CRMP1: variants seen among roughly 807,000 people sequenced by gnomAD.
CRMP1 encodes dihydropyrimidinase-related protein 1.
CRMP1 carries 19 observed loss-of-function variants against 68.3 expected under a neutral mutation model. That is an observed-to-expected ratio of 0.28 (90% CI 0.19 to 0.41). CRMP1 has a LOEUF of 0.41. Ranked by LOEUF, CRMP1 falls within the 10% of genes least tolerant of loss-of-function variation. The probability of loss-of-function intolerance (pLI) is 1.00; values close to 1 mark genes in which losing one functional copy is unlikely to be tolerated. For missense variants in CRMP1, 791 were observed against 967.4 expected (o/e 0.82, Z 2.42); for synonymous variants, 439 against 399.6 (o/e 1.10, Z -1.18).
In CRMP1 at chr4:5,841,327, G is replaced by T; in HGVS notation, c.1134C>A (p.Ile378=). 6.2e-7 allele frequency: 1 copy of T among 1,613,966 alleles called. No individual in the cohort carries two copies. The highest frequency in any genetic ancestry group is 2.2e-5 in the East Asian group (1 of 44,840). ...KVMSKSAADI[I]ALARKKGPLV... ...GCATACCTTTCTTCCTGGCCAGAGC[G>T]ATGATGTCGGCTGCACTCTTGCTCA... The change falls in exon 8 of 14, where the codon ATC becomes ATA. Residue 378 remains isoleucine, a synonymous_variant. Transcript: ENST00000324989. This position sits in a 1 kb window ranked among gnomAD's most constrained non-coding sequence, Gnocchi z 6.9.
At position 5,892,925 on chromosome 4, in the gene CRMP1, G is replaced by C; in HGVS notation, c.45C>G (p.Pro15=). Residue 15 remains proline, a synonymous_variant, in exon 1 of 14, where the codon CCC becomes CCG. Transcript: ENST00000324989. The surrounding 1 kb of genome is among the most constrained non-coding windows in gnomAD (Gnocchi z 8.6). ...CGCTGCCCGGCCGCGCCAGGTACACGGGCAGGTCGTCCTCGGTGTTCCACG... is the reference window on the plus strand; with the variant it reads ...CGCTGCCCGGCCGCGCCAGGTACACCGGCAGGTCGTCCTCGGTGTTCCACG... ...RRAWNTEDDL[P]VYLARPGSAA... 1.5e-6 allele frequency: 2 copies of C among 1,310,054 alleles called. No homozygotes were observed. The highest frequency in any genetic ancestry group is 2.0e-6 in the Non-Finnish European group (2 of 1,024,266). The allele number at this position is 1,310,054 out of a possible 1,614,324, so 81.2% of individuals were successfully genotyped here. A position where few individuals can be genotyped will look rare whatever the true frequency, so the allele number is the denominator to read the frequency against.
Position 5,841,414 on chromosome 4 carries a change from C to T in CRMP1, c.1047G>A (p.Ala349=), listed in dbSNP as rs748183992. The T allele has an allele frequency of 2.1e-5, 34 of 1,614,008 alleles. No individual in the cohort carries two copies. Among genetic ancestry groups the T allele is most frequent in the South Asian group, 3.3e-5 (3 of 91,080 alleles). The change falls in exon 8 of 14, where the codon GCG becomes GCA. Residue 349 remains alanine, a synonymous_variant. Transcript: ENST00000324989. This position sits in a 1 kb window ranked among gnomAD's most constrained non-coding sequence, Gnocchi z 6.9. ...CCGCAATGGTGATGGCCCGGAACAC[C>T]GCCTCGGCCTCCAGCTGAACACGGC... The part of the protein sequence containing the change: ...LSRPEELEAE[A]VFRAITIAGR...
In CRMP1 at chr4:5,877,746, T is replaced by G. The variant is rs190890560; in HGVS notation, c.382-10990A>C. ...ACTGCAGGACTTTTTTTCCCCCCGATATTATGCCTGTTTCCATGACAACTG... is the reference window on the plus strand; with the variant it reads ...ACTGCAGGACTTTTTTTCCCCCCGAGATTATGCCTGTTTCCATGACAACTG... On this transcript the variant is annotated intron_variant, in intron 1 of 13. Coordinates refer to ENST00000324989, the MANE Select transcript of CRMP1 (RefSeq NM_001014809.3). This position sits in a 1 kb window ranked among gnomAD's most constrained non-coding sequence, Gnocchi z 4.3. Among the ~76,000 whole-genome samples the G allele has an allele frequency of 2.4e-3, 363 of 152,272 alleles. 1 individual carries two copies. The highest frequency in any genetic ancestry group is 8.1e-3 in the African/African-American group (338 of 41,552).
At chr4:5,852,192 A>G (rs1712708410) in intron 4 of CRMP1, among the ~76,000 whole-genome samples, 1 of 152,250 alleles carries the variant, frequency 6.6e-6, no homozygotes, top group African/African-American at 2.4e-5. Context: ...ATTCCCATAA[A>G]GACATCAACA....
Position 5,825,173 on chromosome 4 carries a change from A to G in CRMP1, c.1969+321T>C. On this transcript the variant is annotated intron_variant, in intron 13 of 13. Transcript: ENST00000324989. The surrounding 1 kb of genome is among the most constrained non-coding windows in gnomAD (Gnocchi z 4.4). ...ATCTCTTGTTCATCCCCACCACTCC[A>G]TGTTTACTTTCATGAGGAAGAGTGT... 1 of 985,370 alleles carries G rather than the reference A, an allele frequency of 1.0e-6. No individual in the cohort carries two copies. The highest frequency in any genetic ancestry group is 1.2e-6 in the Non-Finnish European group (1 of 829,922). 61.0% of individuals were successfully genotyped at this position (985,370 alleles called of 1,614,324 possible).
rs1464769682 is a variant in CRMP1 at position 5,892,555 on chromosome 4, C to T, written c.381+34G>A. On this transcript the variant is annotated intron_variant, in intron 1 of 13. Transcript: ENST00000324989. This position sits in a 1 kb window ranked among gnomAD's most constrained non-coding sequence, Gnocchi z 8.6. Reference sequence around the variant, plus strand: ...GCCCTGGGTCCTCCCGGGGCCCGCCCCCCTCGTCTGGCCCGCGCGCGCCCC... The same window carrying T: ...GCCCTGGGTCCTCCCGGGGCCCGCCTCCCTCGTCTGGCCCGCGCGCGCCCC... 1 of 1,170,104 alleles carries T rather than the reference C, an allele frequency of 8.5e-7. No individual in the cohort carries two copies. Among genetic ancestry groups the T allele is most frequent in the Non-Finnish European group, 1.1e-6 (1 of 948,122 alleles). The allele number at this position is 1,170,104 out of a possible 1,614,324, so 72.5% of individuals were successfully genotyped here.
intron 1 of CRMP1, among the ~76,000 whole-genome samples, chr4:5,869,200 T>C (rs1259446037): frequency 6.6e-6 from 1 of 152,144 alleles, no homozygotes; most frequent in Non-Finnish European, 1.5e-5. Flanking sequence ...CAATCCTCCC[T>C]CCTCGGTTTC....
At position 5,842,592 on chromosome 4, in the gene CRMP1, A is replaced by C. The variant is rs200397455; in HGVS notation, c.1032+501T>G. On this transcript the variant is annotated intron_variant, in intron 7 of 13. Transcript: ENST00000324989. The surrounding 1 kb of genome is among the most constrained non-coding windows in gnomAD (Gnocchi z 4.5). ...CATGCACATGCACCCACACTCACACACTCTCTCACACACACACACACACAC... is the reference window on the plus strand; with the variant it reads ...CATGCACATGCACCCACACTCACACCCTCTCTCACACACACACACACACAC... Among the ~76,000 whole-genome samples the C allele has an allele frequency of 9.2e-6, 1 of 108,854 alleles. No individual in the cohort carries two copies. Among genetic ancestry groups the C allele is most frequent in the South Asian group, 3.0e-4 (1 of 3,316 alleles). 71.4% of individuals were successfully genotyped at this position (108,854 alleles called of 152,430 possible).
At chr4:5,839,904 G>A (rs192257344) in intron 8 of CRMP1, among the ~76,000 whole-genome samples, 45 of 152,344 alleles carry the variant, frequency 3.0e-4, no homozygotes, top group East Asian at 9.7e-4. Flanking sequence ...TGGGGCGTAC[G>A]GCAGCTGACT....
intron 11 of CRMP1, among the ~76,000 whole-genome samples, chr4:5,833,862 G>T (rs1449592874): frequency 1.3e-5 from 2 of 152,136 alleles, no homozygotes; most frequent in African/African-American, 4.8e-5. Flanking sequence ...GGCTAACATG[G>T]TGAAACCTGT....
intron 11 of CRMP1, among the ~76,000 whole-genome samples, chr4:5,831,828 A>C (rs1245093656): frequency 3.3e-5 from 5 of 152,318 alleles, no homozygotes; most frequent in East Asian, 1.9e-4. Flanking sequence ...AATTTAAACA[A>C]CACAAAACAC....
In CRMP1 at chr4:5,892,857, G is replaced by A; in HGVS notation, c.113C>T (p.Ala38Val). 3 of 1,416,442 alleles carry A rather than the reference G, an allele frequency of 2.1e-6. No homozygotes were observed. Among genetic ancestry groups the A allele is most frequent in the Admixed American group, 2.5e-5 (1 of 39,250 alleles). 87.7% of individuals were successfully genotyped at this position (1,416,442 alleles called of 1,614,324 possible). The change falls in exon 1 of 14, where the codon GCG becomes GTG. Residue 38 changes from alanine (A) to valine (V), a missense_variant. Ala to Val is a moderately conservative substitution (Grantham distance 64). Coordinates refer to ENST00000324989, the MANE Select transcript of CRMP1 (RefSeq NM_001014809.3). The surrounding 1 kb of genome is among the most constrained non-coding windows in gnomAD (Gnocchi z 8.6). The stretch of plus-strand genomic sequence containing the variant: ...CTTGTTCTCGTAGGCGCCCTCCACC[G>A]CGGCGAACATGCCGCCGTACTTCTG... Reference protein sequence around the residue: ...PRQKYGGMFAAVEGAYENKTI... With the variant: ...PRQKYGGMFAVVEGAYENKTI...
intron 12 of CRMP1, among the ~76,000 whole-genome samples, chr4:5,827,130 T>C (rs1221789592): frequency 2.6e-5 from 4 of 152,308 alleles, no homozygotes; most frequent in Non-Finnish European, 1.5e-5. Flanking sequence ...CCCGATCCTA[T>C]TGCTCCTGCA....
Position 5,842,640 on chromosome 4 carries a change from A to C in CRMP1, c.1032+453T>G, listed in dbSNP as rs187512838. 2.8e-3 allele frequency among the ~76,000 whole-genome samples: 427 copies of C among 150,438 alleles called. 3 individuals carry two copies. The highest frequency in any genetic ancestry group is 9.3e-3 in the African/African-American group (380 of 40,744). On this transcript the variant is annotated intron_variant, in intron 7 of 13. Coordinates refer to ENST00000324989, the MANE Select transcript of CRMP1 (RefSeq NM_001014809.3). The surrounding 1 kb of genome is among the most constrained non-coding windows in gnomAD (Gnocchi z 4.5). ...CACTCACTCACACACACACACACGC[A>C]CTGTCTCTCTCACACACACACACTA...
intron 2 of CRMP1, among the ~76,000 whole-genome samples, chr4:5,863,965 C>T (rs752038412): frequency 1.3e-5 from 2 of 152,150 alleles, no homozygotes; most frequent in African/African-American, 2.4e-5. Context: ...AGTAGGACTG[C>T]CAACACGCAG....
Position 5,860,923 on chromosome 4 carries a change from A to AC in CRMP1, c.655+102dup. The AC allele has an allele frequency of 8.3e-7, 1 of 1,202,632 alleles. No individual in the cohort carries two copies. Among genetic ancestry groups the AC allele is most frequent in the African/African-American group, 1.5e-5 (1 of 66,220 alleles). 74.5% of individuals were successfully genotyped at this position (1,202,632 alleles called of 1,614,324 possible). A position where few individuals can be genotyped will look rare whatever the true frequency, so the allele number is the denominator to read the frequency against. ...TGGGGGGAGAATGAAATCCAATGGC[A>AC]CCCTGGGCAGAGAGCCTCGAACACA... On this transcript the variant is annotated intron_variant, in intron 3 of 13. Transcript: ENST00000324989. The surrounding 1 kb of genome is among the most constrained non-coding windows in gnomAD (Gnocchi z 4.2).
In CRMP1 at chr4:5,850,553, C is replaced by G. The variant is rs961526375; in HGVS notation, c.882+855G>C. 1.3e-5 allele frequency among the ~76,000 whole-genome samples: 2 copies of G among 152,166 alleles called. No individual in the cohort carries two copies. Among genetic ancestry groups the G allele is most frequent in the African/African-American group, 4.8e-5 (2 of 41,432 alleles). On this transcript the variant is annotated intron_variant, in intron 5 of 13. Coordinates refer to ENST00000324989, the MANE Select transcript of CRMP1 (RefSeq NM_001014809.3). The surrounding 1 kb of genome is among the most constrained non-coding windows in gnomAD (Gnocchi z 4.4). ...ATCTTCATGGTAATAACCAATTACC[C>G]TGCTAACTGATGCCTGTATGGCACC...
Position 5,825,705 on chromosome 4 carries a change from G to C in CRMP1, c.1804-46C>G. 1.3e-6 allele frequency: 2 copies of C among 1,595,732 alleles called. No individual in the cohort carries two copies. Among genetic ancestry groups the C allele is most frequent in the Non-Finnish European group, 1.7e-6 (2 of 1,169,884 alleles). Reference sequence around the variant, plus strand: ...TGTGATTGATCGACACTGTGCATGTGTGCCCTTCTGGGCAGATAAAGCAGA... The same window carrying C: ...TGTGATTGATCGACACTGTGCATGTCTGCCCTTCTGGGCAGATAAAGCAGA... On this transcript the variant is annotated intron_variant, in intron 12 of 13. Coordinates refer to ENST00000324989, the MANE Select transcript of CRMP1 (RefSeq NM_001014809.3). This position sits in a 1 kb window ranked among gnomAD's most constrained non-coding sequence, Gnocchi z 4.4.
chr4:5,822,051 C>T (rs73206224), intron 13 of CRMP1, among the ~76,000 whole-genome samples, 200 bp from the exon 14 acceptor site: 11,819 of 140,240 alleles, frequency 0.084, 717 homozygotes, highest in African/African-American at 0.2. Context: ...CCCTGGGCTC[C>T]CCCCACCTTC....
Sources: allele counts gnomAD v4.1 joint callset (sites outside exome capture counted in the v4.1 genomes callset), GRCh38; gene constraint gnomAD v4.1.1; non-coding constraint Gnocchi (gnomAD v3.1); transcripts MANE v1.5; gene names NCBI Gene and HGNC (gene_info 2026-07-23, HGNC 2026-07-21).